RELL1: variants seen among roughly 807,000 people sequenced by gnomAD.
RELL1 encodes RELT like 1, also known as RELT-like protein 1.
Under a neutral mutation model 23.0 loss-of-function variants are expected in RELL1, and 10 were observed. The ratio of observed to expected loss-of-function variants is 0.43; its 90% CI spans 0.27 to 0.74. The LOEUF (loss-of-function observed/expected upper bound fraction) is 0.74, where lower values mean the gene tolerates loss of function less well. Among genes scored for constraint, RELL1 ranks in the 30% least tolerant of loss-of-function variants. RELL1 has a pLI of 0.19. For missense variants in RELL1, 315 were observed against 364.4 expected (o/e 0.86, Z 1.10); for synonymous variants, 146 against 146.8 (o/e 0.99, Z 0.04).
intron 1 of RELL1, among the ~76,000 whole-genome samples, chr4:37,655,493 C>T (rs142382685): frequency 2.1e-4 from 32 of 152,268 alleles, no homozygotes; most frequent in Admixed American, 7.8e-4. Flanking sequence ...GCTTCTTCTA[C>T]AAGCTAAGGG....
At chr4:37,631,568 A>C in intron 5 of RELL1, 45 bp from the exon 6 acceptor site, 1 of 1,598,470 alleles carries the variant, frequency 6.3e-7, no homozygotes, top group East Asian at 2.2e-5. Context: ...CTTTTCTAAT[A>C]AACAAGAATT....
chr4:37,668,050 A>G (rs1017652972), intron 1 of RELL1, among the ~76,000 whole-genome samples: 1 of 151,808 alleles, frequency 6.6e-6, no homozygotes, highest in African/African-American at 2.4e-5. Context: ...AGACATCAAA[A>G]TGTTATCAAA....
chr4:37,647,255 G>C (rs964511822), intron 3 of RELL1, 113 bp downstream of exon 3: 5 of 675,064 alleles, frequency 7.4e-6, no homozygotes, highest in South Asian at 3.5e-5. Flanking sequence ...TGAGGTGTTA[G>C]AAAGCTTAGG....
chr4:37,681,252 G>T (rs1722209278), intron 1 of RELL1, among the ~76,000 whole-genome samples: 1 of 152,116 alleles, frequency 6.6e-6, no homozygotes, highest in Non-Finnish European at 1.5e-5. Context: ...AATATATGTG[G>T]TCCACATTTA....
chr4:37,622,799 C>CTTTTTTT, intron 6 of RELL1: 14 of 391,414 alleles, frequency 3.6e-5, no homozygotes, highest in East Asian at 8.0e-5. Flanking sequence ...TCAAGTAATG[C>CTTTTTTT]TTTTTTTTTT....
chr4:37,657,940 C>T (rs568333446), intron 1 of RELL1, among the ~76,000 whole-genome samples: 8 of 152,168 alleles, frequency 5.3e-5, no homozygotes, highest in Middle Eastern at 3.4e-3. Context: ...CATATACACA[C>T]ACACTAAACA....
chr4:37,590,290 C>T, downstream of RELL1: 1 of 1,614,070 alleles, frequency 6.2e-7, no homozygotes, highest in Non-Finnish European at 8.5e-7. Flanking sequence ...GCCCTGCTGG[C>T]CTCACCAAGG....
At position 37,649,430 on chromosome 4, in the gene RELL1, A is replaced by C. The variant is rs1250110821; in HGVS notation, c.159T>G (p.Asn53Lys). Residue 53 changes from asparagine (N) to lysine (K), a missense_variant, in exon 2 of 7, where the codon AAT (asparagine) becomes AAG (lysine). Asn to Lys is a moderately conservative substitution (Grantham distance 94, BLOSUM62 0). Transcript: ENST00000454158. Reference protein sequence around the residue: ...TTPSPSNDTGNGHPEYIAYAL... With the variant: ...TTPSPSNDTGKGHPEYIAYAL... ...CGTATGCAATATATTCTGGGTGTCC[A>C]TTCCCAGTATCGTTGCTGGGCGACG... The C allele has an allele frequency of 1.9e-6, 3 of 1,614,246 alleles. No individual in the cohort carries two copies. The highest frequency in any genetic ancestry group is 2.7e-5 in the African/African-American group (2 of 75,076).
At chr4:37,598,784 A>G (rs1159939014) in intron 6 of RELL1, among the ~76,000 whole-genome samples, 1 of 151,968 alleles carries the variant, frequency 6.6e-6, no homozygotes, top group Non-Finnish European at 1.5e-5. Flanking sequence ...TCCCAGCTTC[A>G]AGCGATTCTC....
chr4:37,647,336 T>C, intron 3 of RELL1, 32 bp downstream of exon 3: 2 of 1,501,704 alleles, frequency 1.3e-6, no homozygotes, highest in Non-Finnish European at 1.9e-6. Context: ...ATAGGAATAC[T>C]GAATTGTTTT....
rs771257596 is a variant in RELL1, at chr4:37,686,316, G to C, written c.-29C>G. On this transcript the variant is annotated 5_prime_UTR_variant, in exon 1 of 7. Coordinates refer to ENST00000454158, the MANE Select transcript of RELL1 (RefSeq NM_001085400.2). ...CGCGTCGCTTCGCCCTCCTCCCCCA[G>C]GGCGCCGCGTCCCGCGCTCGGGAAG... is the stretch of plus-strand genomic sequence containing the variant. The C allele has an allele frequency of 6.8e-7, 1 of 1,469,812 alleles. No homozygotes were observed. The highest frequency in any genetic ancestry group is 1.3e-5 in the South Asian group (1 of 77,056). 91.0% of individuals were successfully genotyped at this position (1,469,812 alleles called of 1,614,324 possible). A position where few individuals can be genotyped will look rare whatever the true frequency, so the allele number is the denominator to read the frequency against.
chr4:37,611,730 TAAAAAA>T lies in RELL1; in HGVS notation c.*1610_*1615del, dbSNP rs546021972. 6.9e-3 allele frequency among the ~76,000 whole-genome samples: 896 copies of T among 130,750 alleles called. 5 individuals are homozygous for T. The highest frequency in any genetic ancestry group is 0.024 in the African/African-American group (859 of 35,354). The allele number at this position is 130,750 out of a possible 152,430, so 85.8% of individuals were successfully genotyped here. ...AGGTGTTTTGTAAAATGTACAGTTATAAAAAAAAAAAAGAAAAAGAAAAGTTTGCCA... is the reference window on the plus strand; with the variant it reads ...AGGTGTTTTGTAAAATGTACAGTTATAAAAAAGAAAAAGAAAAGTTTGCCA... On this transcript the variant is annotated 3_prime_UTR_variant, in exon 7 of 7. Transcript: ENST00000454158.
At chr4:37,593,567 C>T (rs1338935713) in intron 6 of RELL1, among the ~76,000 whole-genome samples, 1 of 152,234 alleles carries the variant, frequency 6.6e-6, no homozygotes, top group African/African-American at 2.4e-5. Context: ...ACATTACTCT[C>T]TTTGGTCAAA....
chr4:37,612,048 G>T lies in RELL1; in HGVS notation c.*1298C>A, dbSNP rs1156660449. 6.6e-6 allele frequency among the ~76,000 whole-genome samples: 1 copy of T among 151,752 alleles called. No homozygotes were observed. Among genetic ancestry groups the T allele is most frequent in the East Asian group, 1.9e-4 (1 of 5,142 alleles). On this transcript the variant is annotated 3_prime_UTR_variant, in exon 7 of 7. Transcript: ENST00000454158. ...AAAAATAAGCCAAGCGTGGTGGTGG[G>T]CACCTGTAGTCCCAGCTACTCAGGA...
downstream of RELL1, among the ~76,000 whole-genome samples, chr4:37,607,698 GC>G: frequency 6.6e-6 from 1 of 151,066 alleles, no homozygotes; most frequent in East Asian, 2.0e-4. Context: ...CCCTGCCTCA[GC>G]CTCCCAAGTA....
At chr4:37,673,186 C>CTTTTCTTTTTT (rs1721897229) in intron 1 of RELL1, among the ~76,000 whole-genome samples, 1 of 93,180 alleles carries the variant, frequency 1.1e-5, no homozygotes, top group Non-Finnish European at 1.9e-5. Flanking sequence ...CTTTTTTTTT[C>CTTTTCTTTTTT]TTTTTTTTTT....
At chr4:37,598,530 A>G (rs1440743820) in intron 6 of RELL1, among the ~76,000 whole-genome samples, 2 of 152,076 alleles carry the variant, frequency 1.3e-5, no homozygotes, top group Non-Finnish European at 2.9e-5. Flanking sequence ...CACGTGAATC[A>G]TCTCACTGAA....
chr4:37,624,209 G>A (rs1260189082), intron 6 of RELL1, among the ~76,000 whole-genome samples: 2 of 152,160 alleles, frequency 1.3e-5, no homozygotes, highest in African/African-American at 4.8e-5. Context: ...AGCCATGAAA[G>A]AGTCTTGACA....
rs375967379 is a variant in RELL1 at position 37,649,601 on chromosome 4, G to T, written c.89-101C>A. 2.9e-6 allele frequency: 3 copies of T among 1,026,128 alleles called. No homozygotes were observed. The East Asian group carries it at 7.3e-5, about 25-fold the overall frequency. 63.6% of individuals were successfully genotyped at this position (1,026,128 alleles called of 1,614,324 possible). A position where few individuals can be genotyped will look rare whatever the true frequency, so the allele number is the denominator to read the frequency against. Reference sequence around the variant, plus strand: ...TCACAGTAAGTCAGGGTCTGCTCCCGAAACCACAGGCCATGCAGACTGGTG... The same window carrying T: ...TCACAGTAAGTCAGGGTCTGCTCCCTAAACCACAGGCCATGCAGACTGGTG... On this transcript the variant is annotated intron_variant, in intron 1 of 6. Transcript: ENST00000454158.
Sources: gnomAD v4.1 joint callset for allele counts (sites outside exome capture counted in the v4.1 genomes callset) on GRCh38, gnomAD v4.1.1 for gene constraint, MANE v1.5 for transcripts, NCBI Gene and HGNC (gene_info 2026-07-23, HGNC 2026-07-21) for gene names.